THOC5: variants seen among roughly 807,000 people sequenced by gnomAD.
The protein encoded by THOC5 is THO complex subunit 5, also known as Fms-interacting protein.
In THOC5, 43 loss-of-function variants were observed where a neutral mutation model predicts 92.9. The observed-to-expected ratio is 0.46, with a 90% confidence interval of 0.36 to 0.60. The LOEUF (loss-of-function observed/expected upper bound fraction) is 0.60, where lower values mean the gene tolerates loss of function less well. Among genes scored for constraint, THOC5 ranks in the 20% least tolerant of loss-of-function variants. The pLI is 0.00. For missense variants in THOC5, 659 were observed against 849.4 expected, an observed-to-expected ratio of 0.78 and a Z score of 2.79; for synonymous variants, 296 against 320.1, an observed-to-expected ratio of 0.92 and a Z score of 0.80.
chr22:29,525,536 A>G (rs2063525845), intron 12 of THOC5, among the ~76,000 whole-genome samples: 1 of 152,224 alleles, frequency 6.6e-6, no homozygotes, highest in South Asian at 2.1e-4. Flanking sequence ...CTCATTTTAT[A>G]TTCACACACT....
At chr22:29,539,692 T>G (rs751624215) in intron 5 of THOC5, among the ~76,000 whole-genome samples, 21 of 152,200 alleles carry the variant, frequency 1.4e-4, no homozygotes, top group Non-Finnish European at 2.2e-4. Flanking sequence ...TGTCCAACCT[T>G]TTTACCCATG....
At chr22:29,512,947 C>A (rs544580383) in intron 17 of THOC5, among the ~76,000 whole-genome samples, 1 of 152,304 alleles carries the variant, frequency 6.6e-6, no homozygotes, top group African/African-American at 2.4e-5. Context: ...GTATGCCATT[C>A]CTTTTTAGTT....
Position 29,521,019 on chromosome 22 carries a change from T to A in THOC5, c.1256A>T (p.Gln419Leu). 1 of 1,614,152 alleles carries A rather than the reference T, an allele frequency of 6.2e-7. No individual in the cohort carries two copies. Among genetic ancestry groups the A allele is most frequent in the Non-Finnish European group, 8.5e-7 (1 of 1,179,986 alleles). ...TCACCCAACTTTATCAAACTGATAC[T>A]GATTGGCTGGATTCGGAGTTTTCTT... ...HGKKTPNPAN[Q>L]YQFDKVGILT... Residue 419 changes from glutamine to leucine, a missense_variant, in exon 13 of 20, where the codon CAG becomes CTG. Physicochemically the swap from Gln to Leu is moderately radical, Grantham distance 113. Coordinates refer to ENST00000490103, the MANE Select transcript of THOC5 (RefSeq NM_003678.5).
chr22:29,547,524 G>A (rs1335655362), intron 2 of THOC5, among the ~76,000 whole-genome samples: 1 of 152,068 alleles, frequency 6.6e-6, no homozygotes, highest in Admixed American at 6.6e-5. Flanking sequence ...CACCACGCCT[G>A]GCTAATTTGT....
At chr22:29,527,467 G>A (rs574247820) in intron 11 of THOC5, among the ~76,000 whole-genome samples, 6 of 152,216 alleles carry the variant, frequency 3.9e-5, no homozygotes, top group East Asian at 1.9e-4. Context: ...AAACCAGTGC[G>A]TAGAGCCTAT....
At chr22:29,536,563 C>G (rs201442444) in intron 7 of THOC5, 61 bp downstream of exon 7, 61 of 1,008,392 alleles carry the variant, frequency 6.0e-5, no homozygotes, top group Non-Finnish European at 9.4e-5. Flanking sequence ...CAAAGGGTGA[C>G]ATGACTTCTG....
At position 29,539,401 on chromosome 22, in the gene THOC5, G is replaced by C. The variant is rs760990822; in HGVS notation, c.528C>G (p.Ala176=). ...GGTGAGGGTCTCCCATGGTGACTTC[G>C]GCCTTGCTGATATCTGGTGGAGCCT... The part of the protein sequence containing the change: ...YKEAPPDISK[A]EVTMGDPHQQ... The change falls in exon 6 of 20, where the codon GCC becomes GCG. Residue 176 remains alanine, a synonymous_variant. Coordinates refer to ENST00000490103, the MANE Select transcript of THOC5 (RefSeq NM_003678.5). The C allele has an allele frequency of 2.5e-6, 4 of 1,613,892 alleles. No homozygotes were observed. In the African/African-American group the frequency reaches 4.0e-5, roughly 16 times the overall value.
At chr22:29,528,725 T>C (rs926469644) in intron 9 of THOC5, among the ~76,000 whole-genome samples, 2 of 152,198 alleles carry the variant, frequency 1.3e-5, no homozygotes, top group Non-Finnish European at 2.9e-5. Context: ...AAGCCCCTCC[T>C]TGTGATGGTG....
chr22:29,539,955 G>A (rs527271463), intron 5 of THOC5, among the ~76,000 whole-genome samples: 11 of 152,280 alleles, frequency 7.2e-5, no homozygotes, highest in South Asian at 2.1e-4. Flanking sequence ...GGCTTAAACC[G>A]TTGCATGCAT....
intron 1 of THOC5, among the ~76,000 whole-genome samples, chr22:29,552,698 T>G (rs1273266195): frequency 6.7e-6 from 1 of 150,200 alleles, no homozygotes; most frequent in Non-Finnish European, 1.5e-5. Context: ...TTCTGGGAGG[T>G]GAGGAGCCCC....
chr22:29,553,053 G>A (rs1396238963), intron 1 of THOC5, among the ~76,000 whole-genome samples: 2 of 152,116 alleles, frequency 1.3e-5, no homozygotes, highest in Non-Finnish European at 2.9e-5. Flanking sequence ...TGCTCCTTAA[G>A]AGTCATCACC....
chr22:29,512,190 C>T, intron 17 of THOC5, 54 bp from the exon 18 acceptor site: 1 of 1,427,486 alleles, frequency 7.0e-7, no homozygotes, highest in Non-Finnish European at 9.9e-7. Context: ...AGCTTGCCAG[C>T]CATGGCAGCC....
At position 29,507,069 on chromosome 22, in the gene THOC5, C is replaced by T. The variant is rs1177681865; in HGVS notation, c.*1388G>A. On this transcript the variant is annotated 3_prime_UTR_variant, in exon 20 of 20. Coordinates refer to ENST00000490103, the MANE Select transcript of THOC5 (RefSeq NM_003678.5). ...TTTTTTGTAGATACAGGGTCTCTCACTACGTTGCCCAGGCTGGACCTGAAC... is the reference window on the plus strand; with the variant it reads ...TTTTTTGTAGATACAGGGTCTCTCATTACGTTGCCCAGGCTGGACCTGAAC... 6.6e-6 allele frequency: 1 copy of T among 152,256 alleles called. No individual in the cohort carries two copies. Among genetic ancestry groups the T allele is most frequent in the Non-Finnish European group, 1.5e-5 (1 of 68,102 alleles). The allele number at this position is 152,256 out of a possible 1,614,324, so 9.4% of individuals were successfully genotyped here.
chr22:29,531,016 C>G (rs1462609668), intron 8 of THOC5: 2 of 1,018,506 alleles, frequency 2.0e-6, no homozygotes, highest in Non-Finnish European at 2.4e-6. Flanking sequence ...TATTAGCATT[C>G]TACAAGAACA....
intron 7 of THOC5, chr22:29,535,125 GTGGTGGT>G (rs2063733373): frequency 6.6e-6 from 1 of 151,480 alleles, no homozygotes; most frequent in Non-Finnish European, 1.5e-5. Context: ...TTAGCCAGGT[GTGGTGGT>G]GGGTGCCTGT....
chr22:29,542,801 G>A (rs1195687676), intron 5 of THOC5, 58 bp downstream of exon 5: 8 of 1,178,930 alleles, frequency 6.8e-6, no homozygotes, highest in Non-Finnish European at 8.7e-6. Context: ...TGAGCTACAT[G>A]GGAAAAAGCA....
At chr22:29,544,360 A>T in intron 3 of THOC5, 100 bp downstream of exon 3, 1 of 1,315,920 alleles carries the variant, frequency 7.6e-7, no homozygotes, top group Non-Finnish European at 1.0e-6. Context: ...GATCATGGCT[A>T]GGACAGAAGA....
intron 1 of THOC5, among the ~76,000 whole-genome samples, chr22:29,552,236 C>T (rs2064169542): frequency 6.6e-6 from 1 of 152,146 alleles, no homozygotes; most frequent in Admixed American, 6.5e-5. Flanking sequence ...GCGTCTCTGC[C>T]CGGCTGCCCA....
chr22:29,550,662 G>A (rs887843755), intron 1 of THOC5: 13 of 152,106 alleles, frequency 8.5e-5, no homozygotes, highest in Non-Finnish European at 1.5e-5. Flanking sequence ...TGAGTCCCCG[G>A]ACGAGTCACT....
Sources: gnomAD v4.1 joint callset for allele counts (sites outside exome capture counted in the v4.1 genomes callset) on GRCh38, gnomAD v4.1.1 for gene constraint, MANE v1.5 for transcripts, NCBI Gene and HGNC (gene_info 2026-07-23, HGNC 2026-07-21) for gene names.